VWA8: variants seen among roughly 807,000 people sequenced by gnomAD.
The protein encoded by VWA8 is von Willebrand factor A domain containing 8.
In VWA8, 221 loss-of-function variants were observed where a neutral mutation model predicts 241.5. The ratio of observed to expected loss-of-function variants is 0.91; its 90% CI spans 0.82 to 1.02. The LOEUF (loss-of-function observed/expected upper bound fraction) is 1.02. Among genes scored for constraint, VWA8 ranks in the 50% least tolerant of loss-of-function variants. The pLI is 0.00. For missense variants in VWA8, 2,322 were observed against 2,328.7 expected (o/e 1.00, Z 0.06); for synonymous variants, 852 against 827.1 (o/e 1.03, Z -0.52).
intron 12 of VWA8, among the ~76,000 whole-genome samples, chr13:41,858,400 G>A (rs1199869420): frequency 6.6e-6 from 1 of 152,198 alleles, no homozygotes; most frequent in African/African-American, 2.4e-5. Context: ...GAGGTCAGGA[G>A]TTTGAGACCA....
chr13:41,769,545 TGTAAA>T (rs1348770563), intron 20 of VWA8, among the ~76,000 whole-genome samples: 1 of 152,204 alleles, frequency 6.6e-6, no homozygotes. Flanking sequence ...TTACTTAGTA[TGTAAA>T]GTATAGTCTC....
At position 41,897,842 on chromosome 13, in the gene VWA8, G is replaced by A. The variant is rs189249026; in HGVS notation, c.484-6255C>T. ...GCTTCCACACTGTGGAAGGGGACCC[G>A]AGCGGGTTGCCACTGCTGGCTCCGG... On this transcript the variant is annotated intron_variant, in intron 4 of 44. Transcript: ENST00000379310. Among the ~76,000 whole-genome samples the A allele has an allele frequency of 5.5e-4, 84 of 152,216 alleles. 1 individual carries two copies. In the East Asian group the frequency reaches 0.014, roughly 25 times the overall value.
chr13:41,896,794 T>C lies in VWA8; in HGVS notation c.484-5207A>G, dbSNP rs1338205918. Among the ~76,000 whole-genome samples the C allele has an allele frequency of 2.0e-5, 3 of 152,270 alleles. No individual in the cohort carries two copies. In the East Asian group the frequency reaches 5.8e-4, roughly 29 times the overall value. The stretch of plus-strand genomic sequence containing the variant: ...GATTAAGATGAAACCAAAACTCTCA[T>C]TCATGGTTGGTCAGAGTGCAAAATG... On this transcript the variant is annotated intron_variant, in intron 4 of 44. Transcript: ENST00000379310.
At position 41,946,270 on chromosome 13, in the gene VWA8, C is replaced by T. The variant is rs145066810; in HGVS notation, c.241+3666G>A. Among the ~76,000 whole-genome samples, 96 of 151,410 alleles carry T rather than the reference C, an allele frequency of 6.3e-4. 4 individuals are homozygous for T. The East Asian group carries it at 0.015, about 24-fold the overall frequency. Reference sequence around the variant, plus strand: ...AAACCTGCCATCTAGAAGATACTTACTAAAGGGCATCCTTCCTTTAAGCTG... The same window carrying T: ...AAACCTGCCATCTAGAAGATACTTATTAAAGGGCATCCTTCCTTTAAGCTG... On this transcript the variant is annotated intron_variant, in intron 2 of 44. Transcript: ENST00000379310.
At chr13:41,881,371 C>CGGGG (rs1491104127) in intron 9 of VWA8, among the ~76,000 whole-genome samples, 2 of 10,984 alleles carry the variant, frequency 1.8e-4, no homozygotes, top group East Asian at 0.02. Context: ...TTTTTTTTTG[C>CGGGG]CGGGGGGGGG....
At chr13:41,956,865 CAT>C (rs1020626861) in intron 1 of VWA8, among the ~76,000 whole-genome samples, 3 of 152,008 alleles carry the variant, frequency 2.0e-5, no homozygotes, top group Admixed American at 6.6e-5. Context: ...TATTTATTAC[CAT>C]GTTAATATGT....
intron 43 of VWA8, among the ~76,000 whole-genome samples, chr13:41,572,547 A>T (rs2044314758): frequency 6.6e-6 from 1 of 152,142 alleles, no homozygotes. Flanking sequence ...GGTTAAATGG[A>T]TTAAGGGCGG....
intron 26 of VWA8, among the ~76,000 whole-genome samples, chr13:41,708,999 C>A (rs1428745864): frequency 1.3e-5 from 2 of 152,154 alleles, no homozygotes; most frequent in African/African-American, 4.8e-5. Flanking sequence ...TCAGTTGCAT[C>A]TTAGTATTTT....
chr13:41,814,162 G>A (rs1474444404), intron 16 of VWA8, among the ~76,000 whole-genome samples: 4 of 152,126 alleles, frequency 2.6e-5, no homozygotes, highest in African/African-American at 9.7e-5. Context: ...ATTCACCAAA[G>A]ATTTAAGTGT....
In VWA8 at chr13:41,590,743, C is replaced by T. The variant is rs781669054; in HGVS notation, c.5009G>A (p.Trp1670Ter). 1 of 1,614,064 alleles carries T rather than the reference C, an allele frequency of 6.2e-7. No individual in the cohort carries two copies. The highest frequency in any genetic ancestry group is 2.2e-5 in the East Asian group (1 of 44,872). The change falls in exon 41 of 45, where the codon TGG becomes TAG. Residue 1670 changes from tryptophan (W) to a stop codon, truncating the protein, a stop_gained. Coordinates refer to ENST00000379310, the MANE Select transcript of VWA8 (RefSeq NM_015058.2). LOFTEE classifies it high-confidence loss of function. Reference sequence around the variant, plus strand: ...TTCTCCAGTAGCTTGATGTCTTAGCCATTGTCTTTCTTTACCTTTAGCCTA... The same window carrying T: ...TTCTCCAGTAGCTTGATGTCTTAGCTATTGTCTTTCTTTACCTTTAGCCTA... ...NLQAKGKERQ[W>*]LRHQATGELD...
At chr13:41,784,693 TATAC>T in intron 18 of VWA8, among the ~76,000 whole-genome samples, 1 of 59,528 alleles carries the variant, frequency 1.7e-5, no homozygotes, top group East Asian at 4.5e-4. Context: ...TACATATACA[TATAC>T]ATATATATAT....
intron 20 of VWA8, among the ~76,000 whole-genome samples, chr13:41,772,958 A>G (rs945384231): frequency 2.0e-5 from 3 of 152,266 alleles, no homozygotes; most frequent in Admixed American, 6.5e-5. Flanking sequence ...GTAACAGAGC[A>G]GTCTTGTAAA....
intron 42 of VWA8, among the ~76,000 whole-genome samples, chr13:41,577,683 T>C (rs997176974): frequency 2.0e-5 from 3 of 152,208 alleles, no homozygotes; most frequent in Admixed American, 2.0e-4. Flanking sequence ...GCTTTCATTA[T>C]GGGCTGGTGA....
At position 41,701,489 on chromosome 13, in the gene VWA8, T is replaced by A. The variant is rs1410371662; in HGVS notation, c.3267A>T (p.Arg1089Ser). 6.2e-7 allele frequency: 1 copy of A among 1,612,084 alleles called. No homozygotes were observed. Among genetic ancestry groups the A allele is most frequent in the Middle Eastern group, 1.7e-4 (1 of 6,046 alleles). The change falls in exon 28 of 45, where the codon AGA becomes AGT. Residue 1089 changes from arginine to serine, a missense_variant. Transcript: ENST00000379310. Reference sequence around the variant, plus strand: ...TAAAGTTTAGGGATCTTTCTTCATGTCTTTCTATTGGATACTCCTGTATAT... The same window carrying A: ...TAAAGTTTAGGGATCTTTCTTCATGACTTTCTATTGGATACTCCTGTATAT... Reference protein sequence around the residue: ...LINIQEYPIERHEERSLNFTE... With the variant: ...LINIQEYPIESHEERSLNFTE...
intron 21 of VWA8, among the ~76,000 whole-genome samples, chr13:41,739,816 ATTGTTTTT>A (rs1364917849): frequency 1.3e-4 from 17 of 127,794 alleles, no homozygotes; most frequent in South Asian, 7.9e-4. Context: ...TTCCAGTATC[ATTGTTTTT>A]TTGTTTTTTT....
chr13:41,923,863 T>C (rs1168293372), intron 2 of VWA8, among the ~76,000 whole-genome samples: 1 of 151,246 alleles, frequency 6.6e-6, no homozygotes, highest in African/African-American at 2.4e-5. Flanking sequence ...GCCCAACCAA[T>C]ATCTTCAGGC....
chr13:41,598,270 A>G (rs1285371475), intron 40 of VWA8, among the ~76,000 whole-genome samples: 1 of 152,036 alleles, frequency 6.6e-6, no homozygotes, highest in Non-Finnish European at 1.5e-5. Flanking sequence ...TTCCTTCTCT[A>G]TACCAATTTA....
intron 9 of VWA8, among the ~76,000 whole-genome samples, chr13:41,869,411 A>C (rs1207128422): frequency 6.6e-6 from 1 of 152,044 alleles, no homozygotes; most frequent in Non-Finnish European, 1.5e-5. Flanking sequence ...AGGCAAGCGG[A>C]TCACCTGAGG....
intron 40 of VWA8, among the ~76,000 whole-genome samples, chr13:41,591,938 C>T (rs2044457768): frequency 7.1e-6 from 1 of 140,864 alleles, no homozygotes. Flanking sequence ...ACTAGAAATA[C>T]CATTTGACCC....
Sources: allele counts gnomAD v4.1 joint callset (sites outside exome capture counted in the v4.1 genomes callset), GRCh38; gene constraint gnomAD v4.1.1; transcripts MANE v1.5; gene names NCBI Gene and HGNC (gene_info 2026-07-23, HGNC 2026-07-21).